The following MME variants were observed in gnomAD, a reference collection of about 807,000 sequenced individuals.
The protein encoded by MME is neprilysin.
MME carries 98 observed loss-of-function variants against 113.2 expected under a neutral mutation model. The observed-to-expected ratio is 0.87, with a 90% CI of 0.74 to 1.02. The LOEUF (loss-of-function observed/expected upper bound fraction) is 1.02, where lower values mean the gene tolerates loss of function less well. MME is among the 50% of genes least tolerant of loss of function. The pLI, the probability that MME is intolerant of heterozygous loss-of-function variation, is 0.00. For missense variants in MME, 836 were observed against 896.0 expected, an observed-to-expected ratio of 0.93 and a Z score of 0.86; for synonymous variants, 292 against 300.6, an observed-to-expected ratio of 0.97 and a Z score of 0.30.
At chr3:155,101,227 A>G (rs1717185262) in intron 3 of MME, among the ~76,000 whole-genome samples, 1 of 152,196 alleles carries the variant, frequency 6.6e-6, no homozygotes, top group Non-Finnish European at 1.5e-5. Context: ...GCCATGAGCC[A>G]ATTAAACCTC....
chr3:155,073,066 G>A (rs572167414), intron 1 of MME, among the ~76,000 whole-genome samples: 6 of 152,154 alleles, frequency 3.9e-5, no homozygotes, highest in South Asian at 2.1e-4. Context: ...TATCACTACC[G>A]GTTTCCAACA....
chr3:155,033,743 T>C (rs892381989), intron 1 of MME, among the ~76,000 whole-genome samples: 2 of 152,058 alleles, frequency 1.3e-5, no homozygotes, highest in Non-Finnish European at 2.9e-5. Context: ...ATTGAGGGCA[T>C]GTCAAAAGAG....
chr3:155,132,335 A>G (rs1720208012), intron 8 of MME, among the ~76,000 whole-genome samples: 1 of 152,212 alleles, frequency 6.6e-6, no homozygotes, highest in Non-Finnish European at 1.5e-5. Context: ...CAATTTATAA[A>G]TATCATTACC....
intron 22 of MME, among the ~76,000 whole-genome samples, chr3:155,173,280 A>C (rs892268585): frequency 6.6e-6 from 1 of 152,046 alleles, no homozygotes; most frequent in African/African-American, 2.4e-5. Context: ...CCCATGTACT[A>C]GAACACTTAG....
chr3:155,080,341 T>C lies in MME; in HGVS notation c.-136T>C, dbSNP rs948544321. The C allele has an allele frequency of 6.6e-6, 1 of 152,526 alleles. No individual in the cohort carries two copies. 9.4% of individuals were successfully genotyped at this position (152,526 alleles called of 1,614,324 possible). On this transcript the variant is annotated 5_prime_UTR_variant, in exon 1 of 23. Transcript: ENST00000360490. ...TCCATAGTTCCCTGCGGCCTCTGCCTTGGGGAGTTATGTTTTGTTACCGAG... is the reference window on the plus strand; with the variant it reads ...TCCATAGTTCCCTGCGGCCTCTGCCCTGGGGAGTTATGTTTTGTTACCGAG...
At chr3:155,049,164 C>A (rs2108126557) in intron 1 of MME, among the ~76,000 whole-genome samples, 1 of 151,826 alleles carries the variant, frequency 6.6e-6, no homozygotes, top group South Asian at 2.1e-4. Context: ...ATAGTGTTAC[C>A]CCAAAATTTA....
In MME at chr3:155,055,034, A is replaced by T. The variant is rs373739110; in HGVS notation, c.-10-29124A>T. 3.3e-4 allele frequency among the ~76,000 whole-genome samples: 51 copies of T among 152,342 alleles called. 1 individual carries two copies. The East Asian group carries it at 6.9e-3, about 21-fold the overall frequency. ...CTATCTATATGTATGGTAATATATC[A>T]TGTGTTTGCTCTATGAACCAGCAAT... On this transcript the variant is annotated intron_variant, in intron 1 of 22. Transcript: ENST00000492661.
At chr3:155,089,837 T>A (rs191316440) in intron 3 of MME, 1 of 452,908 alleles carries the variant, frequency 2.2e-6, no homozygotes. Flanking sequence ...AATCCAGGCA[T>A]GGTAGCACGC....
intron 1 of MME, among the ~76,000 whole-genome samples, chr3:155,069,140 T>C (rs552613633): frequency 1.3e-5 from 2 of 152,132 alleles, no homozygotes; most frequent in Non-Finnish European, 2.9e-5. Flanking sequence ...TTTTGTAGGT[T>C]TGGGAGTTGT....
At chr3:155,114,298 C>G (rs113558979) in intron 3 of MME, among the ~76,000 whole-genome samples, 204 of 152,276 alleles carry the variant, frequency 1.3e-3, no homozygotes, top group African/African-American at 4.7e-3. Context: ...TCAATTGCAG[C>G]TCCTACCAGA....
intron 3 of MME, among the ~76,000 whole-genome samples, chr3:155,088,140 G>A (rs1715925238): frequency 6.6e-6 from 1 of 151,888 alleles, no homozygotes; most frequent in South Asian, 2.1e-4. Flanking sequence ...ATTCTTCCTA[G>A]GAGAATAAAT....
chr3:155,160,767 T>C (rs1722660014), intron 17 of MME, among the ~76,000 whole-genome samples: 1 of 152,124 alleles, frequency 6.6e-6, no homozygotes, highest in Non-Finnish European at 1.5e-5. Context: ...AATATATCTA[T>C]ATAAAGTCAT....
intron 20 of MME, among the ~76,000 whole-genome samples, chr3:155,170,109 G>A (rs1352133836): frequency 6.6e-6 from 1 of 152,054 alleles, no homozygotes; most frequent in Non-Finnish European, 1.5e-5. Context: ...GCAGTGGCAC[G>A]AACTCGGCTC....
At position 155,144,476 on chromosome 3, in the gene MME, A is replaced by G. The variant is rs1223335237; in HGVS notation, c.1416+19A>G. 6.7e-7 allele frequency: 1 copy of G among 1,502,334 alleles called. No homozygotes were observed. Among genetic ancestry groups the G allele is most frequent in the Non-Finnish European group, 9.3e-7 (1 of 1,079,638 alleles). The allele number at this position is 1,502,334 out of a possible 1,614,324, so 93.1% of individuals were successfully genotyped here. A position where few individuals can be genotyped will look rare whatever the true frequency, so the allele number is the denominator to read the frequency against. On this transcript the variant is annotated intron_variant, in intron 14 of 22. Coordinates refer to ENST00000360490, the MANE Select transcript of MME (RefSeq NM_007289.4). ...AGAAAAGGTAAAGAGCAGACAGCTA[A>G]CTAGCAAAGAAAAATCTTTGCTAGT...
chr3:155,067,596 A>AC (rs1319385384), intron 1 of MME, among the ~76,000 whole-genome samples: 1 of 152,114 alleles, frequency 6.6e-6, no homozygotes, highest in African/African-American at 2.4e-5. Context: ...GGCATGAGCC[A>AC]CTGTGCCCGG....
chr3:155,134,382 C>T (rs1020885970), intron 8 of MME, among the ~76,000 whole-genome samples: 1 of 152,092 alleles, frequency 6.6e-6, no homozygotes, highest in Non-Finnish European at 1.5e-5. Flanking sequence ...TAAATGAGAA[C>T]ATGTGGTATT....
chr3:155,133,677 T>C (rs1401504253), intron 8 of MME, among the ~76,000 whole-genome samples: 1 of 144,910 alleles, frequency 6.9e-6, no homozygotes, highest in Admixed American at 7.0e-5. Flanking sequence ...TATATATATA[T>C]ATATATATAT....
At chr3:155,110,902 T>C (rs553801387) in intron 3 of MME, among the ~76,000 whole-genome samples, 28 of 152,318 alleles carry the variant, frequency 1.8e-4, no homozygotes, top group African/African-American at 5.5e-4. Context: ...CAATATCTGG[T>C]CAACAACATT....
chr3:155,094,544 A>G lies in MME; in HGVS notation c.196+9450A>G, dbSNP rs543665195. Among the ~76,000 whole-genome samples, 3 of 152,354 alleles carry G rather than the reference A, an allele frequency of 2.0e-5. No individual in the cohort carries two copies. In the South Asian group the frequency reaches 6.2e-4, roughly 32 times the overall value. On this transcript the variant is annotated intron_variant, in intron 3 of 22. Coordinates refer to ENST00000360490, the MANE Select transcript of MME (RefSeq NM_007289.4). ...CAAAAGGCGAACAGTGTATTTTTAA[A>G]GAGGAAGTTGTAGCCAGAAACAGAG...
Sources: gnomAD v4.1 joint callset for allele counts (sites outside exome capture counted in the v4.1 genomes callset) on GRCh38, gnomAD v4.1.1 for gene constraint, MANE v1.5 for transcripts, NCBI Gene and HGNC (gene_info 2026-07-23, HGNC 2026-07-21) for gene names.